Variants in BAG3 observed in about 807,000 individuals in gnomAD.
The protein encoded by BAG3 is BAG cochaperone 3, also known as BAG family molecular chaperone regulator 3.
A neutral mutation model predicts 40.5 loss-of-function variants in BAG3; 14 were observed. The observed-to-expected ratio is 0.35, with a 90% CI of 0.23 to 0.54. The LOEUF (loss-of-function observed/expected upper bound fraction) is 0.54. BAG3 is among the 20% of genes least tolerant of loss of function. The pLI, the probability that BAG3 is intolerant of heterozygous loss-of-function variation, is 0.91. For missense variants in BAG3, 788 were observed against 758.6 expected (o/e 1.04, Z -0.46); for synonymous variants, 302 against 307.8 (o/e 0.98, Z 0.20).
chr10:119,661,701 T>C (rs1275523844), intron 1 of BAG3, among the ~76,000 whole-genome samples: 2 of 152,174 alleles, frequency 1.3e-5, no homozygotes, highest in Admixed American at 6.5e-5. Context: ...TGATAGTTTA[T>C]AGAGTATGTG....
chr10:119,659,125 G>T (rs1001383666), intron 1 of BAG3, among the ~76,000 whole-genome samples: 5 of 152,200 alleles, frequency 3.3e-5, no homozygotes, highest in African/African-American at 1.2e-4. Context: ...CCCCTTGTGA[G>T]TGGAGGATGT....
chr10:119,669,884 G>A lies in BAG3; in HGVS notation c.214G>A (p.Glu72Lys), dbSNP rs1847120131. The A allele has an allele frequency of 6.2e-7, 1 of 1,614,156 alleles. No individual in the cohort carries two copies. The highest frequency in any genetic ancestry group is 8.5e-7 in the Non-Finnish European group (1 of 1,180,032). ...ATCCTCTGCCAATGGCCCTTCCCGG[G>A]AGGGCTCTAGGCTGCCGCCTGCTAG... ...TPSSANGPSR[E>K]GSRLPPAREG... The change falls in exon 2 of 4, where the codon GAG becomes AAG. Residue 72 changes from glutamate (E) to lysine (K), a missense_variant. Coordinates refer to ENST00000369085, the MANE Select transcript of BAG3 (RefSeq NM_004281.4).
chr10:119,675,784 T>TCCCTTCCC (rs1847213452), intron 3 of BAG3, among the ~76,000 whole-genome samples: 1 of 12,066 alleles, frequency 8.3e-5, no homozygotes, highest in East Asian at 2.5e-3. Flanking sequence ...TCCCTCCCCC[T>TCCCTTCCC]CCCTTCCCCC....
chr10:119,672,047 C>A lies in BAG3; in HGVS notation c.508-208C>A, dbSNP rs905942170. Among the ~76,000 whole-genome samples, 7 of 152,168 alleles carry A rather than the reference C, an allele frequency of 4.6e-5. No individual in the cohort carries two copies. The highest frequency in any genetic ancestry group is 1.3e-4 in the Admixed American group (2 of 15,280). ...CAGGTGGTCCACTCACCTAGGCCTC[C>A]CAAAGTGCTGGGATTACAGGTGTGA... is the stretch of plus-strand genomic sequence containing the variant. On this transcript the variant is annotated intron_variant, in intron 2 of 3. Transcript: ENST00000369085. This position sits in a 1 kb window ranked among gnomAD's most constrained non-coding sequence, Gnocchi z 4.8.
chr10:119,662,871 TG>T (rs1369694177), intron 1 of BAG3, among the ~76,000 whole-genome samples: 1 of 152,028 alleles, frequency 6.6e-6, no homozygotes, highest in Non-Finnish European at 1.5e-5. Context: ...ACAAATTAGC[TG>T]GGCATGGTGG....
intron 1 of BAG3, among the ~76,000 whole-genome samples, chr10:119,659,967 GAAGCTA>G: frequency 6.6e-6 from 1 of 152,144 alleles, no homozygotes; most frequent in East Asian, 1.9e-4. Flanking sequence ...AACATGCCCT[GAAGCTA>G]ACTTCATGTG....
chr10:119,655,294 T>C (rs117600412), intron 1 of BAG3, among the ~76,000 whole-genome samples: 4,688 of 151,620 alleles, frequency 0.031, 118 homozygotes, highest in Non-Finnish European at 0.05. Flanking sequence ...AGTGCGAGAG[T>C]GGGGAGGTGG....
chr10:119,664,036 G>A (rs561481909), intron 1 of BAG3, among the ~76,000 whole-genome samples: 86 of 152,252 alleles, frequency 5.6e-4, no homozygotes, highest in African/African-American at 1.8e-3. Context: ...AGCCACTTCC[G>A]TAACACATGT....
At chr10:119,665,515 G>A (rs1040498025) in intron 1 of BAG3, among the ~76,000 whole-genome samples, 2 of 151,962 alleles carry the variant, frequency 1.3e-5, no homozygotes, top group African/African-American at 4.8e-5. Flanking sequence ...CTGACCTCAG[G>A]TGATCCACCC....
At chr10:119,670,491 A>T (rs1158812075) in intron 2 of BAG3, among the ~76,000 whole-genome samples, 1 of 152,226 alleles carries the variant, frequency 6.6e-6, no homozygotes, top group African/African-American at 2.4e-5. Flanking sequence ...GAGGGAGCAG[A>T]GCTGGGACCG....
chr10:119,656,783 A>T (rs1846918584), intron 1 of BAG3: 1 of 152,008 alleles, frequency 6.6e-6, no homozygotes, highest in South Asian at 2.1e-4. Context: ...GTCTGTCAAC[A>T]CACACACATA....
intron 1 of BAG3, among the ~76,000 whole-genome samples, chr10:119,657,162 C>T (rs955461092): frequency 6.6e-6 from 1 of 152,148 alleles, no homozygotes; most frequent in Non-Finnish European, 1.5e-5. Flanking sequence ...ATGGGCCCGA[C>T]TCTTTACTCA....
rs778224688 is a variant in BAG3, at chr10:119,670,062, C to T, written c.392C>T (p.Pro131Leu). 4.3e-6 allele frequency: 7 copies of T among 1,614,214 alleles called. No homozygotes were observed. In the South Asian group the frequency reaches 6.6e-5, roughly 15 times the overall value. The stretch of plus-strand genomic sequence containing the variant: ...CGAACTGAGGCGGCAGCAGCGGCTC[C>T]TCAGAGGTCCCAGTCACCTCTGCGG... ...RFRTEAAAAA[P>L]QRSQSPLRGM... is the part of the protein sequence containing the mutation. The change falls in exon 2 of 4, where the codon CCT becomes CTT. Residue 131 changes from proline to leucine, a missense_variant. By Grantham distance (98) the Pro-to-Leu change is moderately conservative (BLOSUM62 -3). Coordinates refer to ENST00000369085, the MANE Select transcript of BAG3 (RefSeq NM_004281.4).
chr10:119,675,879 C>CCCCCTTCCTT (rs1847223008), intron 3 of BAG3, among the ~76,000 whole-genome samples: 1 of 16,886 alleles, frequency 5.9e-5, no homozygotes, highest in Non-Finnish European at 1.3e-4. Flanking sequence ...CCCCCTTCTC[C>CCCCCTTCCTT]CCTTCCTTCC....
intron 1 of BAG3, among the ~76,000 whole-genome samples, chr10:119,668,638 A>C (rs1847100110): frequency 6.6e-6 from 1 of 152,212 alleles, no homozygotes; most frequent in South Asian, 2.1e-4. Context: ...CTGAAATAAG[A>C]TCTTTCCTGT....
chr10:119,671,379 G>A (rs193285556), intron 2 of BAG3, among the ~76,000 whole-genome samples: 20 of 152,310 alleles, frequency 1.3e-4, no homozygotes, highest in East Asian at 9.6e-4. Flanking sequence ...ACATAAATGC[G>A]AGACATCTTC....
chr10:119,653,243 G>A (rs1335074209), intron 1 of BAG3, among the ~76,000 whole-genome samples: 1 of 152,184 alleles, frequency 6.6e-6, no homozygotes, highest in African/African-American at 2.4e-5. Flanking sequence ...TAATTAGCTG[G>A]GATGGGCACA....
chr10:119,669,737 G>A (rs1314565735), intron 1 of BAG3, 114 bp from the exon 2 acceptor site: 1 of 1,111,874 alleles, frequency 9.0e-7, no homozygotes, highest in Non-Finnish European at 1.3e-6. Context: ...CTGACGCTTT[G>A]AGGCCCAAGT....
In BAG3 at chr10:119,677,127, A is replaced by G. The variant is rs757902899; in HGVS notation, c.1573A>G (p.Met525Val). ...AGCAGATCAGCCACTGCAGGCAATCATGGAGATGGGTGCCGTGGCAGCAGA... is the reference window on the plus strand; with the variant it reads ...AGCAGATCAGCCACTGCAGGCAATCGTGGAGATGGGTGCCGTGGCAGCAGA... ...LEADQPLQAI[M>V]EMGAVAADKG... Residue 525 changes from methionine to valine, a missense_variant, in exon 4 of 4, where the codon ATG (methionine) becomes GTG (valine). Physicochemically the swap from Met to Val is conservative, Grantham distance 21 (BLOSUM62 1). Coordinates refer to ENST00000369085, the MANE Select transcript of BAG3 (RefSeq NM_004281.4). 1 of 1,614,156 alleles carries G rather than the reference A, an allele frequency of 6.2e-7. No homozygotes were observed. Among genetic ancestry groups the G allele is most frequent in the Non-Finnish European group, 8.5e-7 (1 of 1,180,024 alleles).
Sources: gnomAD v4.1 joint callset for allele counts (sites outside exome capture counted in the v4.1 genomes callset) on GRCh38, gnomAD v4.1.1 for gene constraint, Gnocchi (gnomAD v3.1) non-coding constraint, MANE v1.5 for transcripts, NCBI Gene and HGNC (gene_info 2026-07-23, HGNC 2026-07-21) for gene names.